Variants in PRKCQ observed in about 807,000 individuals in gnomAD.
PRKCQ encodes the protein protein kinase C theta.
In PRKCQ, 41 loss-of-function variants were observed where a neutral mutation model predicts 91.2. The ratio of observed to expected loss-of-function variants is 0.45; its 90% CI spans 0.35 to 0.58. The LOEUF (loss-of-function observed/expected upper bound fraction) is 0.58, where lower values mean the gene tolerates loss of function less well. Ranked by LOEUF, PRKCQ falls within the 20% of genes least tolerant of loss-of-function variation. PRKCQ has a pLI of 0.00. For missense variants in PRKCQ, 673 were observed against 896.5 expected (o/e 0.75, Z 3.18); for synonymous variants, 307 against 316.9 (o/e 0.97, Z 0.33).
chr10:6,513,599 G>C (rs547708396), intron 2 of PRKCQ, among the ~76,000 whole-genome samples: 7 of 152,310 alleles, frequency 4.6e-5, no homozygotes, highest in Non-Finnish European at 7.3e-5. Flanking sequence ...ACATCTGAAA[G>C]GTTTTAGGTT....
chr10:6,421,025 T>C, the PRKCQ span, among the ~76,000 whole-genome samples: 1 of 152,164 alleles, frequency 6.6e-6, no homozygotes, highest in African/African-American at 2.4e-5. This position sits in a 1 kb window ranked among gnomAD's most constrained non-coding sequence, Gnocchi z 4.1. Context: ...TATTTAGACA[T>C]GGACTTTGGA....
At chr10:6,394,308 C>T in the PRKCQ span, among the ~76,000 whole-genome samples, 1,540 of 152,276 alleles carry the variant, frequency 0.01, 18 homozygotes, top group African/African-American at 0.035. Context: ...GGACACCTGG[C>T]GCCTCTGCAG....
the PRKCQ span, among the ~76,000 whole-genome samples, chr10:6,403,249 T>C: frequency 6.6e-6 from 1 of 151,964 alleles, no homozygotes; most frequent in Non-Finnish European, 1.5e-5. Context: ...GCGGCAGGAT[T>C]CAGACTTCTC....
intron 12 of PRKCQ, 109 bp downstream of exon 12, chr10:6,478,882 TA>T: frequency 7.9e-7 from 1 of 1,266,730 alleles, no homozygotes; most frequent in Non-Finnish European, 1.1e-6. Flanking sequence ...CACCGAAATG[TA>T]AGATAAATAT....
chr10:6,431,509 C>T (rs929696401), intron 16 of PRKCQ, among the ~76,000 whole-genome samples: 8 of 152,180 alleles, frequency 5.3e-5, no homozygotes, highest in Non-Finnish European at 1.2e-4. Flanking sequence ...TGTGAGCACA[C>T]GCACACGGAC....
At chr10:6,573,439 C>G (rs576324660) in intron 1 of PRKCQ, among the ~76,000 whole-genome samples, 1 of 152,336 alleles carries the variant, frequency 6.6e-6, no homozygotes, top group African/African-American at 2.4e-5. Flanking sequence ...ACCCGCGATA[C>G]CTTGTCCTCT....
intron 1 of PRKCQ, among the ~76,000 whole-genome samples, chr10:6,554,033 C>T (rs1840314461): frequency 6.6e-6 from 1 of 151,600 alleles, no homozygotes; most frequent in African/African-American, 2.4e-5. Flanking sequence ...AGTAGTAGTT[C>T]AAGTAGGGAA....
At chr10:6,461,017 C>T (rs1835305748) in intron 14 of PRKCQ, among the ~76,000 whole-genome samples, 1 of 151,840 alleles carries the variant, frequency 6.6e-6, no homozygotes, top group African/African-American at 2.4e-5. Flanking sequence ...TTTATCCATC[C>T]ATCCATCCAG....
In PRKCQ at chr10:6,430,978, A is replaced by T; in HGVS notation, c.1837-40T>A. 1 of 1,599,490 alleles carries T rather than the reference A, an allele frequency of 6.3e-7. No individual in the cohort carries two copies. Among genetic ancestry groups the T allele is most frequent in the Non-Finnish European group, 8.5e-7 (1 of 1,172,630 alleles). Reference sequence around the variant, plus strand: ...AGCAGGAGCCCTGAGGTCTCCAGGGATGACCCTTTTGCATCAGGAGGTCGT... The same window carrying T: ...AGCAGGAGCCCTGAGGTCTCCAGGGTTGACCCTTTTGCATCAGGAGGTCGT... On this transcript the variant is annotated intron_variant, in intron 16 of 17. Transcript: ENST00000263125. This position sits in a 1 kb window ranked among gnomAD's most constrained non-coding sequence, Gnocchi z 4.7.
Position 6,497,098 on chromosome 10 carries a change from C to A in PRKCQ, c.597G>T (p.Lys199Asn). The A allele has an allele frequency of 6.2e-7, 1 of 1,613,952 alleles. No homozygotes were observed. Among genetic ancestry groups the A allele is most frequent in the Non-Finnish European group, 8.5e-7 (1 of 1,180,008 alleles). The change falls in exon 7 of 18, where the codon AAG becomes AAT. Residue 199 changes from lysine to asparagine, a missense_variant. Coordinates refer to ENST00000263125, the MANE Select transcript of PRKCQ (RefSeq NM_006257.5). The surrounding 1 kb of genome is among the most constrained non-coding windows in gnomAD (Gnocchi z 4.5). ...QCRQCNAAIHKKCIDKVIAKC... is the reference protein window; with the variant it reads ...QCRQCNAAIHNKCIDKVIAKC... ...TTGCTATAACTTTATCAATACACTT[C>A]TTGTGAATTGCTGCATTGCATTCTG...
intron 11 of PRKCQ, among the ~76,000 whole-genome samples, chr10:6,479,883 C>T (rs1339318744): frequency 1.3e-5 from 2 of 150,846 alleles, no homozygotes; most frequent in East Asian, 1.9e-4. Flanking sequence ...ACCTGGGAGG[C>T]GGAGGTTGTG....
the PRKCQ span, among the ~76,000 whole-genome samples, chr10:6,415,505 G>T: frequency 4.2e-5 from 6 of 142,456 alleles, no homozygotes; most frequent in East Asian, 8.2e-4. Context: ...TGAACTTCAG[G>T]TTAAGAACTT....
At chr10:6,554,839 G>A (rs75349977) in intron 1 of PRKCQ, among the ~76,000 whole-genome samples, 2,714 of 152,092 alleles carry the variant, frequency 0.018, 83 homozygotes, top group African/African-American at 0.063. Context: ...AAAGACACAC[G>A]CATATCTATG....
chr10:6,452,830 C>CA (rs1834772712), intron 15 of PRKCQ, among the ~76,000 whole-genome samples: 1 of 121,312 alleles, frequency 8.2e-6, no homozygotes, highest in Non-Finnish European at 1.8e-5. Context: ...GGAAAGGATT[C>CA]CCTATTTAAT....
Position 6,430,830 on chromosome 10 carries a change from G to C in PRKCQ, c.1945C>G (p.Pro649Ala), listed in dbSNP as rs142951028. Residue 649 changes from proline to alanine, a missense_variant, in exon 17 of 18, where the codon CCA (proline) becomes GCA (alanine). By Grantham distance (27) the Pro-to-Ala change is conservative. Coordinates refer to ENST00000263125, the MANE Select transcript of PRKCQ (RefSeq NM_006257.5). This position sits in a 1 kb window ranked among gnomAD's most constrained non-coding sequence, Gnocchi z 4.7. ...WEELERKEID[P>A]PFRPKVKSPF... is the part of the protein sequence containing the mutation. Reference sequence around the variant, plus strand: ...CTTACCACTTTCGGCCGGAACGGTGGGTCAATCTCCTTCCGTTCAAGTTCC... The same window carrying C: ...CTTACCACTTTCGGCCGGAACGGTGCGTCAATCTCCTTCCGTTCAAGTTCC... The C allele has an allele frequency of 9.9e-6, 16 of 1,614,110 alleles. No homozygotes were observed. Among genetic ancestry groups the C allele is most frequent in the Non-Finnish European group, 1.4e-5 (16 of 1,180,018 alleles).
the PRKCQ span, among the ~76,000 whole-genome samples, chr10:6,417,672 T>C: frequency 1.3e-5 from 2 of 152,010 alleles, no homozygotes; most frequent in African/African-American, 4.8e-5. Flanking sequence ...GACGATAGAG[T>C]GGCCACGTGA....
In PRKCQ at chr10:6,428,318, G is replaced by C; in HGVS notation, c.2010C>G (p.Asn670Lys). The change falls in exon 18 of 18, where the codon AAC becomes AAG. Residue 670 changes from asparagine (N) to lysine (K), a missense_variant. Asn to Lys is a moderately conservative substitution (Grantham distance 94). Coordinates refer to ENST00000263125, the MANE Select transcript of PRKCQ (RefSeq NM_006257.5). ...DCSNFDKEFL[N>K]EKPRLSFADR... is the part of the protein sequence containing the mutation. ...CGGCAAATGACAGCCGGGGCTTCTC[G>C]TTTAAGAATTCTTTGTCGAAATTGC... The C allele has an allele frequency of 6.2e-7, 1 of 1,614,042 alleles. No individual in the cohort carries two copies. The highest frequency in any genetic ancestry group is 8.5e-7 in the Non-Finnish European group (1 of 1,179,974).
At chr10:6,485,898 A>C in intron 9 of PRKCQ, 137 bp downstream of exon 9, 1 of 667,564 alleles carries the variant, frequency 1.5e-6, no homozygotes, top group Non-Finnish European at 2.6e-6. Context: ...ATGGATATGA[A>C]AGCCAAGGGC....
intron 1 of PRKCQ, among the ~76,000 whole-genome samples, chr10:6,548,260 T>C (rs1227087062): frequency 2.0e-5 from 3 of 151,134 alleles, no homozygotes; most frequent in Non-Finnish European, 4.5e-5. Flanking sequence ...TGTGGAGAAA[T>C]AGGAACACTT....
Sources: gnomAD v4.1 joint callset for allele counts (sites outside exome capture counted in the v4.1 genomes callset) on GRCh38, gnomAD v4.1.1 for gene constraint, Gnocchi (gnomAD v3.1) non-coding constraint, MANE v1.5 for transcripts, NCBI Gene and HGNC (gene_info 2026-07-23, HGNC 2026-07-21) for gene names.